The following GRM4 variants were observed in gnomAD, a reference collection of about 807,000 sequenced individuals.
GRM4 encodes glutamate metabotropic receptor 4.
In GRM4, 28 loss-of-function variants were observed where a neutral mutation model predicts 81.7. The ratio of observed to expected loss-of-function variants is 0.34; its 90% CI spans 0.25 to 0.47. The LOEUF is 0.47. Among genes scored for constraint, GRM4 ranks in the 20% least tolerant of loss-of-function variants. The pLI, the probability that GRM4 is intolerant of heterozygous loss-of-function variation, is 1.00. For synonymous variants in GRM4, 488 were observed against 528.8 expected (o/e 0.92, Z 1.06); for missense variants, 948 against 1,290.0 (o/e 0.73, Z 4.06).
rs193212536 is a variant in GRM4, at chr6:34,035,583, G to C, written c.2442+85C>G. On this transcript the variant is annotated intron_variant, in intron 9 of 10. Coordinates refer to ENST00000538487, the MANE Select transcript of GRM4 (RefSeq NM_000841.4). This position sits in a 1 kb window ranked among gnomAD's most constrained non-coding sequence, Gnocchi z 6.6. ...ATGAAAGAAGGCATTTCTGGAGCAG[G>C]GGGGAGGCCAGCCAGCCTCAGGAGG... 24 of 693,780 alleles carry C rather than the reference G, an allele frequency of 3.5e-5. No individual in the cohort carries two copies. The highest frequency in any genetic ancestry group is 1.8e-4 in the South Asian group (9 of 48,962). The allele number at this position is 693,780 out of a possible 1,614,324, so 43.0% of individuals were successfully genotyped here. A position where few individuals can be genotyped will look rare whatever the true frequency, so the allele number is the denominator to read the frequency against.
At chr6:34,097,137 CA>C (rs1361578894) in intron 2 of GRM4, among the ~76,000 whole-genome samples, 1 of 152,194 alleles carries the variant, frequency 6.6e-6, no homozygotes, top group East Asian at 1.9e-4. Flanking sequence ...GCAGGTCATG[CA>C]GAGGTGCATC....
chr6:34,077,046 T>G (rs1383020439), intron 3 of GRM4, among the ~76,000 whole-genome samples: 1 of 152,034 alleles, frequency 6.6e-6, no homozygotes, highest in Non-Finnish European at 1.5e-5. Context: ...GTGGGTAGCC[T>G]CTGCAAGTTT....
intron 3 of GRM4, among the ~76,000 whole-genome samples, chr6:34,082,607 C>A (rs984459332): frequency 6.6e-6 from 1 of 152,182 alleles, no homozygotes; most frequent in Non-Finnish European, 1.5e-5. Flanking sequence ...GAACTCAGCC[C>A]GCCTCCCAGC....
chr6:34,037,692 G>A (rs144311690), intron 8 of GRM4, among the ~76,000 whole-genome samples: 5 of 152,036 alleles, frequency 3.3e-5, no homozygotes, highest in Admixed American at 1.3e-4. Context: ...GTGAAACCCC[G>A]TCTCTACTGA....
intron 6 of GRM4, among the ~76,000 whole-genome samples, chr6:34,046,409 C>T (rs1765364473): frequency 6.6e-6 from 1 of 152,130 alleles, no homozygotes; most frequent in African/African-American, 2.4e-5. Context: ...TGAGAAGTCC[C>T]CAAGCAGATG....
rs768373641 is a variant in GRM4, at chr6:34,074,766, T to C, written c.737-12738A>G. On this transcript the variant is annotated intron_variant, in intron 3 of 10. Transcript: ENST00000538487. The surrounding 1 kb of genome is among the most constrained non-coding windows in gnomAD (Gnocchi z 4.9). Reference sequence around the variant, plus strand: ...TGAAGCGAGAAAGGCGGAAAAATAATAGAAAAGGGAAGCCGTGGTGTTTGG... The same window carrying C: ...TGAAGCGAGAAAGGCGGAAAAATAACAGAAAAGGGAAGCCGTGGTGTTTGG... Among the ~76,000 whole-genome samples the C allele has an allele frequency of 2.0e-4, 31 of 152,014 alleles. No individual in the cohort carries two copies. Among genetic ancestry groups the C allele is most frequent in the Non-Finnish European group, 4.0e-4 (27 of 67,996 alleles).
chr6:34,147,839 C>T (rs1267682089), upstream of GRM4, among the ~76,000 whole-genome samples: 2 of 152,184 alleles, frequency 1.3e-5, no homozygotes, highest in South Asian at 2.1e-4. Context: ...TGTATTTAGG[C>T]GGCTGTAAGT....
chr6:34,146,501 A>G (rs1581744636), upstream of GRM4, among the ~76,000 whole-genome samples: 1 of 152,154 alleles, frequency 6.6e-6, no homozygotes, highest in East Asian at 1.9e-4. Context: ...AACTCTCAGG[A>G]GAGTGTTGCT....
chr6:34,044,091 CAT>C (rs1554181447), intron 6 of GRM4, among the ~76,000 whole-genome samples: 15 of 150,376 alleles, frequency 1.0e-4, no homozygotes, highest in South Asian at 2.1e-4. Flanking sequence ...CACACACACA[CAT>C]AGACATACAT....
intron 1 of GRM4, 79 bp downstream of exon 1, chr6:34,145,921 C>T: frequency 1.2e-6 from 1 of 857,586 alleles, no homozygotes; most frequent in Non-Finnish European, 1.4e-6. Flanking sequence ...GGCAGCTCCC[C>T]CTTCCACCAC....
intron 3 of GRM4, among the ~76,000 whole-genome samples, chr6:34,087,590 G>A (rs1018952138): frequency 6.6e-6 from 1 of 151,888 alleles, no homozygotes; most frequent in Non-Finnish European, 1.5e-5. Context: ...GAGCCCGGGA[G>A]GGAAGGGCAG....
At chr6:34,153,514 C>T (rs1771088277) in intron 1 of GRM4, among the ~76,000 whole-genome samples, 1 of 152,280 alleles carries the variant, frequency 6.6e-6, no homozygotes, top group Admixed American at 6.5e-5. Context: ...CCGAACACTG[C>T]AGAGGTCATG....
chr6:34,045,279 C>T (rs1765313304), intron 6 of GRM4, among the ~76,000 whole-genome samples: 1 of 152,252 alleles, frequency 6.6e-6, no homozygotes, highest in African/African-American at 2.4e-5. Context: ...CAACCCGGCT[C>T]CTCAGCAGGT....
chr6:34,042,319 T>C lies in GRM4; in HGVS notation c.1169-1571A>G, dbSNP rs747008689. Reference sequence around the variant, plus strand: ...AAAGCTCAGTAACATTCCACGACTATGAAAAGCTGATGTGAACCCAGGTAC... The same window carrying C: ...AAAGCTCAGTAACATTCCACGACTACGAAAAGCTGATGTGAACCCAGGTAC... On this transcript the variant is annotated intron_variant, in intron 6 of 10. Transcript: ENST00000538487. This position sits in a 1 kb window ranked among gnomAD's most constrained non-coding sequence, Gnocchi z 4.2. 1.3e-5 allele frequency among the ~76,000 whole-genome samples: 2 copies of C among 152,074 alleles called. No individual in the cohort carries two copies. The highest frequency in any genetic ancestry group is 1.5e-5 in the Non-Finnish European group (1 of 68,018).
At position 34,090,191 on chromosome 6, in the gene GRM4, T is replaced by C. The variant is rs551032688; in HGVS notation, c.736+1692A>G. 1.3e-5 allele frequency among the ~76,000 whole-genome samples: 2 copies of C among 152,042 alleles called. No homozygotes were observed. The highest frequency in any genetic ancestry group is 2.9e-5 in the Non-Finnish European group (2 of 67,988). ...GCCTGCATGAGCACTGGGGGTGGCT[T>C]TGAGGTCCCTCAGGGCAGGGACTGA... On this transcript the variant is annotated intron_variant, in intron 3 of 10. Coordinates refer to ENST00000538487, the MANE Select transcript of GRM4 (RefSeq NM_000841.4). This position sits in a 1 kb window ranked among gnomAD's most constrained non-coding sequence, Gnocchi z 5.2.
In GRM4 at chr6:34,070,288, C is replaced by T. The variant is rs562266917; in HGVS notation, c.737-8260G>A. ...TCCACACGCGTGGGGTGGGTACCCACGTGCACCTGGACGTCTCCCTCCGTC... is the reference window on the plus strand; with the variant it reads ...TCCACACGCGTGGGGTGGGTACCCATGTGCACCTGGACGTCTCCCTCCGTC... On this transcript the variant is annotated intron_variant, in intron 3 of 10. Transcript: ENST00000538487. This position sits in a 1 kb window ranked among gnomAD's most constrained non-coding sequence, Gnocchi z 4.6. Among the ~76,000 whole-genome samples, 51 of 152,264 alleles carry T rather than the reference C, an allele frequency of 3.3e-4. No homozygotes were observed. Among genetic ancestry groups the T allele is most frequent in the African/African-American group, 1.1e-3 (47 of 41,546 alleles).
chr6:34,125,821 G>C (rs1770000606), intron 2 of GRM4, among the ~76,000 whole-genome samples: 1 of 152,234 alleles, frequency 6.6e-6, no homozygotes, highest in Non-Finnish European at 1.5e-5. Flanking sequence ...GGGAAAGAGA[G>C]ACTATCTCGG....
At chr6:34,041,893 CT>C (rs1034308143) in intron 6 of GRM4, among the ~76,000 whole-genome samples, 12 of 152,198 alleles carry the variant, frequency 7.9e-5, no homozygotes, top group Non-Finnish European at 1.5e-4. Flanking sequence ...GTACGGAACT[CT>C]TGATGTATAT....
intron 2 of GRM4, among the ~76,000 whole-genome samples, chr6:34,113,240 C>T (rs753745355): frequency 1.3e-5 from 2 of 151,952 alleles, no homozygotes; most frequent in African/African-American, 2.4e-5. Flanking sequence ...CAGCCTCAAA[C>T]GCCTGAGTTC....
Sources: allele counts gnomAD v4.1 joint callset (sites outside exome capture counted in the v4.1 genomes callset), GRCh38; gene constraint gnomAD v4.1.1; non-coding constraint Gnocchi (gnomAD v3.1); transcripts MANE v1.5; gene names NCBI Gene and HGNC (gene_info 2026-07-23, HGNC 2026-07-21).